Variants in ATE1 observed in about 807,000 individuals in gnomAD.
The protein encoded by ATE1 is arginyl-tRNA--protein transferase 1.
Under a neutral mutation model 70.5 loss-of-function variants are expected in ATE1, and 36 were observed. The ratio of observed to expected loss-of-function variants is 0.51; its 90% CI spans 0.39 to 0.67. ATE1 has a LOEUF of 0.67. ATE1 is among the 30% of genes least tolerant of loss of function. The pLI is 0.00. For synonymous variants in ATE1, 232 were observed against 219.3 expected (o/e 1.06, Z -0.51); for missense variants, 593 against 629.5 (o/e 0.94, Z 0.62).
chr10:121,779,556 C>G (rs1195257110), intron 11 of ATE1, among the ~76,000 whole-genome samples: 1 of 152,164 alleles, frequency 6.6e-6, no homozygotes, highest in Admixed American at 6.5e-5. Context: ...ACTAATCTTC[C>G]TATCTGTGTT....
intron 7 of ATE1, among the ~76,000 whole-genome samples, chr10:121,894,622 G>A (rs1159650202): frequency 9.2e-5 from 14 of 152,124 alleles, no homozygotes; most frequent in African/African-American, 1.4e-4. Flanking sequence ...AAAGGGTGCC[G>A]GGTGTGGGAG....
At position 121,927,931 on chromosome 10, in the gene ATE1, C is replaced by A; in HGVS notation, c.19G>T (p.Gly7Cys). Residue 7 changes from glycine (G) to cysteine (C), a missense_variant, in exon 1 of 12, where the codon GGT (glycine) becomes TGT (cysteine). Transcript: ENST00000224652. ...AAATAGTCCACGACGCTGGGCGAAC[C>A]CCCCGCCCAGAAAGCCATGGCCTCG... MAFWAG[G>C]SPSVVDYFPS... 1 of 1,573,376 alleles carries A rather than the reference C, an allele frequency of 6.4e-7. No homozygotes were observed. The highest frequency in any genetic ancestry group is 8.6e-7 in the Non-Finnish European group (1 of 1,162,910).
At chr10:121,912,560 C>T (rs1951483095) in intron 4 of ATE1, among the ~76,000 whole-genome samples, 1 of 151,508 alleles carries the variant, frequency 6.6e-6, no homozygotes, top group Admixed American at 6.6e-5. Context: ...GCGGAGACAA[C>T]AGAATGCCTT....
At chr10:121,928,227 G>A, upstream of ATE1, 8 of 1,368,628 alleles carry the variant, frequency 5.8e-6, no homozygotes, top group Non-Finnish European at 7.6e-6. Flanking sequence ...AGGGAAACAG[G>A]ATGGGGAGAG....
At chr10:121,928,264 G>T, upstream of ATE1, 3 of 1,427,060 alleles carry the variant, frequency 2.1e-6, no homozygotes, top group Non-Finnish European at 2.8e-6. Context: ...AGCGGGAGTC[G>T]GGGTGCGAGC....
At chr10:121,804,454 C>G (rs533506326) in intron 10 of ATE1, among the ~76,000 whole-genome samples, 1 of 152,260 alleles carries the variant, frequency 6.6e-6, no homozygotes, top group South Asian at 2.1e-4. Context: ...TCAGAACTCT[C>G]TGAAAATAGT....
chr10:121,745,442 T>G (rs375243064), intron 11 of ATE1, among the ~76,000 whole-genome samples: 6 of 151,906 alleles, frequency 3.9e-5, no homozygotes, highest in Admixed American at 3.3e-4. Context: ...ACAGGCGGGG[T>G]GCAGTGGCTC....
At chr10:121,765,055 T>C (rs1197240214) in intron 11 of ATE1, among the ~76,000 whole-genome samples, 2 of 151,372 alleles carry the variant, frequency 1.3e-5, no homozygotes, top group Admixed American at 1.3e-4. Flanking sequence ...TGAAAGAGAG[T>C]GCTTACTGCT....
chr10:121,853,039 T>C (rs920026089), intron 8 of ATE1, among the ~76,000 whole-genome samples: 1 of 152,134 alleles, frequency 6.6e-6, no homozygotes, highest in African/African-American at 2.4e-5. Flanking sequence ...TTCTGTATTT[T>C]TCAATAAACA....
At chr10:121,906,354 C>T (rs1951190388) in intron 5 of ATE1, among the ~76,000 whole-genome samples, 1 of 151,950 alleles carries the variant, frequency 6.6e-6, no homozygotes. Context: ...ACGGCAAAAC[C>T]CCCTCTCTAC....
At chr10:121,787,896 T>C (rs1946277010) in intron 11 of ATE1, among the ~76,000 whole-genome samples, 1 of 152,202 alleles carries the variant, frequency 6.6e-6, no homozygotes, top group Non-Finnish European at 1.5e-5. Context: ...AGAATTTGTT[T>C]AGTCTCTAAG....
chr10:121,798,568 C>T (rs1198540318), intron 10 of ATE1, among the ~76,000 whole-genome samples: 1 of 152,178 alleles, frequency 6.6e-6, no homozygotes, highest in Non-Finnish European at 1.5e-5. Flanking sequence ...AATAATTCTG[C>T]ACATTGTCTG....
intron 11 of ATE1, among the ~76,000 whole-genome samples, chr10:121,758,115 A>G (rs1444513072): frequency 6.6e-6 from 1 of 152,204 alleles, no homozygotes; most frequent in Non-Finnish European, 1.5e-5. Flanking sequence ...TATACTTAAT[A>G]TAAGTATGTA....
chr10:121,884,120 A>G (rs1366697575), intron 7 of ATE1, among the ~76,000 whole-genome samples: 1 of 150,726 alleles, frequency 6.6e-6, no homozygotes, highest in East Asian at 1.9e-4. Context: ...AAAAAAAAAA[A>G]AAAAAAAAAA....
At chr10:121,900,453 G>A (rs1344952567) in intron 6 of ATE1, among the ~76,000 whole-genome samples, 2 of 152,176 alleles carry the variant, frequency 1.3e-5, no homozygotes, top group Non-Finnish European at 2.9e-5. Context: ...ACCTCATAAA[G>A]TTTTCCTACT....
chr10:121,817,981 G>A (rs1947626219), intron 10 of ATE1, among the ~76,000 whole-genome samples: 1 of 152,098 alleles, frequency 6.6e-6, no homozygotes, highest in Non-Finnish European at 1.5e-5. Flanking sequence ...TTTGATTCTT[G>A]ATGAAAGTTA....
At chr10:121,769,681 C>G (rs1436284242) in intron 11 of ATE1, among the ~76,000 whole-genome samples, 2 of 152,142 alleles carry the variant, frequency 1.3e-5, no homozygotes. Context: ...AAAAACAAAT[C>G]CATTTAGAAA....
intron 10 of ATE1, among the ~76,000 whole-genome samples, chr10:121,825,826 C>T (rs1287674851): frequency 5.3e-5 from 8 of 152,228 alleles, no homozygotes; most frequent in East Asian, 3.9e-4. Flanking sequence ...ATTCCACTTA[C>T]GGGTATACAC....
intron 3 of ATE1, among the ~76,000 whole-genome samples, chr10:121,920,739 A>C (rs1371033699): frequency 6.6e-6 from 1 of 152,148 alleles, no homozygotes; most frequent in African/African-American, 2.4e-5. Context: ...TCACGCCTGT[A>C]ATATCAGCAC....
Sources: allele counts gnomAD v4.1 joint callset (sites outside exome capture counted in the v4.1 genomes callset), GRCh38; gene constraint gnomAD v4.1.1; transcripts MANE v1.5; gene names NCBI Gene and HGNC (gene_info 2026-07-23, HGNC 2026-07-21).